Variants in ADAMTSL1 observed in about 807,000 individuals in gnomAD.
ADAMTSL1 encodes ADAMTS like 1.
Under a neutral mutation model 201.8 loss-of-function variants are expected in ADAMTSL1, and 126 were observed. The ratio of observed to expected loss-of-function variants is 0.62; its 90% CI spans 0.54 to 0.72. The LOEUF is 0.72. Among genes scored for constraint, ADAMTSL1 ranks in the 30% least tolerant of loss-of-function variants. The pLI, the probability that ADAMTSL1 is intolerant of heterozygous loss-of-function variation, is 0.00. For missense variants in ADAMTSL1, 2,679 were observed against 2,277.8 expected (o/e 1.18, Z -3.59); for synonymous variants, 1,121 against 903.4 (o/e 1.24, Z -4.32).
At chr9:18,304,295 C>T (rs1833821517) in intron 2 of ADAMTSL1, among the ~76,000 whole-genome samples, 1 of 151,922 alleles carries the variant, frequency 6.6e-6, no homozygotes, top group Non-Finnish European at 1.5e-5. Flanking sequence ...TCACTCCTGC[C>T]CCTACCCTCA....
chr9:17,985,282 T>C (rs180793669), intron 1 of ADAMTSL1, among the ~76,000 whole-genome samples: 6 of 152,280 alleles, frequency 3.9e-5, no homozygotes, highest in Admixed American at 1.3e-4. Context: ...TCTTTCCTCT[T>C]TTTCATGATT....
In ADAMTSL1 at chr9:17,970,781, A is replaced by G. The variant is rs899927583; in HGVS notation, c.87+63859A>G. Among the ~76,000 whole-genome samples the G allele has an allele frequency of 1.3e-4, 20 of 152,016 alleles. 1 individual carries two copies. Among genetic ancestry groups the G allele is most frequent in the Admixed American group, 1.2e-3 (18 of 15,222 alleles). ...ACTGTGTGCTTACTCCTATCTTCACACTTACTTGGTCTCTTCCTCTGGCAC... is the reference window on the plus strand; with the variant it reads ...ACTGTGTGCTTACTCCTATCTTCACGCTTACTTGGTCTCTTCCTCTGGCAC... On this transcript the variant is annotated intron_variant, in intron 1 of 29. Coordinates refer to the ADAMTSL1 transcript ENST00000680146.
chr9:18,654,830 G>A (rs1034139957), intron 7 of ADAMTSL1, among the ~76,000 whole-genome samples: 6 of 152,216 alleles, frequency 3.9e-5, no homozygotes, highest in African/African-American at 1.4e-4. Flanking sequence ...ACTGATGTAT[G>A]TTCACTGTTT....
intron 9 of ADAMTSL1, among the ~76,000 whole-genome samples, chr9:18,672,703 C>T (rs1296351295): frequency 6.6e-6 from 1 of 152,098 alleles, no homozygotes; most frequent in Non-Finnish European, 1.5e-5. Flanking sequence ...TTAAAAATGA[C>T]TCAAAAACCA....
intron 3 of ADAMTSL1, among the ~76,000 whole-genome samples, chr9:18,535,591 T>G (rs1445680704): frequency 6.6e-6 from 1 of 152,218 alleles, no homozygotes; most frequent in Non-Finnish European, 1.5e-5. Flanking sequence ...CATTTTACTG[T>G]ATTAGTCCAT....
chr9:18,513,193 T>G (rs1265113486), intron 2 of ADAMTSL1, among the ~76,000 whole-genome samples: 6 of 152,198 alleles, frequency 3.9e-5, no homozygotes, highest in African/African-American at 1.4e-4. Flanking sequence ...CAACCAAATT[T>G]GAAGTGTTCT....
rs1489987370 is a variant in ADAMTSL1, at chr9:17,911,954, C to T, written c.87+5032C>T. Among the ~76,000 whole-genome samples, 177 of 51,912 alleles carry T rather than the reference C, an allele frequency of 3.4e-3. 27 individuals carry two copies. Among genetic ancestry groups the T allele is most frequent in the African/African-American group, 5.7e-3 (165 of 28,996 alleles). The allele number at this position is 51,912 out of a possible 152,430, so 34.1% of individuals were successfully genotyped here. On this transcript the variant is annotated intron_variant, in intron 1 of 29. Coordinates refer to the ADAMTSL1 transcript ENST00000680146. ...TGCGGTGTTTGGTTTTTTGTTCTTG[C>T]AATAGTTTACTGAGAATGATGATTT... is the stretch of plus-strand genomic sequence containing the variant.
chr9:18,466,886 C>T (rs1419150643), intron 2 of ADAMTSL1, among the ~76,000 whole-genome samples: 2 of 152,058 alleles, frequency 1.3e-5, no homozygotes, highest in Non-Finnish European at 2.9e-5. Flanking sequence ...TCTGATTTTC[C>T]GTGGTTTAAT....
intron 15 of ADAMTSL1, among the ~76,000 whole-genome samples, chr9:18,746,197 C>G (rs1296609519): frequency 1.3e-5 from 2 of 152,060 alleles, no homozygotes; most frequent in Non-Finnish European, 2.9e-5. Flanking sequence ...TGGCTGTGGC[C>G]TTAGGGAGAA....
At chr9:18,252,128 G>A (rs892937507) in intron 2 of ADAMTSL1, among the ~76,000 whole-genome samples, 4 of 151,946 alleles carry the variant, frequency 2.6e-5, no homozygotes, top group Non-Finnish European at 4.4e-5. Flanking sequence ...AAAAATGAGC[G>A]GTTAGGAGAA....
At chr9:18,260,580 A>T (rs1393466577) in intron 2 of ADAMTSL1, among the ~76,000 whole-genome samples, 1 of 152,202 alleles carries the variant, frequency 6.6e-6, no homozygotes, top group African/African-American at 2.4e-5. Flanking sequence ...GAGGAGAAAG[A>T]AAATCCAGCT....
chr9:17,927,779 A>C (rs975673351), intron 1 of ADAMTSL1, among the ~76,000 whole-genome samples: 2 of 151,930 alleles, frequency 1.3e-5, no homozygotes, highest in African/African-American at 4.8e-5. Context: ...AAGGGACTTG[A>C]GCATCTGTGG....
intron 1 of ADAMTSL1, among the ~76,000 whole-genome samples, chr9:17,967,462 C>T (rs1265865447): frequency 1.3e-5 from 2 of 152,128 alleles, no homozygotes; most frequent in African/African-American, 4.8e-5. Context: ...TACCAGCTAA[C>T]ATTCATTGAG....
At chr9:18,015,720 C>A (rs562661441) in intron 1 of ADAMTSL1, among the ~76,000 whole-genome samples, 2 of 151,954 alleles carry the variant, frequency 1.3e-5, no homozygotes, top group African/African-American at 4.8e-5. Context: ...TAAGCTTCTT[C>A]CCACAAGACC....
At chr9:18,375,701 T>C (rs11790709) in intron 2 of ADAMTSL1, among the ~76,000 whole-genome samples, 12,370 of 152,260 alleles carry the variant, frequency 0.081, 677 homozygotes, top group Middle Eastern at 0.14. Flanking sequence ...GCAAGGTTTA[T>C]TGTGGAGAGT....
intron 3 of ADAMTSL1, among the ~76,000 whole-genome samples, chr9:18,533,915 G>A (rs1215914698): frequency 2.0e-5 from 3 of 152,180 alleles, no homozygotes; most frequent in African/African-American, 7.2e-5. Context: ...GATACAGCTT[G>A]GAGGACTGTG....
chr9:18,236,442 C>G (rs1471375904), intron 2 of ADAMTSL1, among the ~76,000 whole-genome samples: 1 of 152,194 alleles, frequency 6.6e-6, no homozygotes, highest in African/African-American at 2.4e-5. Flanking sequence ...ATTTCAGATT[C>G]CGGGACCCAG....
intron 2 of ADAMTSL1, among the ~76,000 whole-genome samples, chr9:18,314,285 C>G (rs952625472): frequency 6.6e-6 from 1 of 152,134 alleles, no homozygotes; most frequent in Non-Finnish European, 1.5e-5. Flanking sequence ...GAAGATTCTT[C>G]TCAAAATTAA....
At chr9:18,119,010 C>G (rs1291360401) in intron 1 of ADAMTSL1, among the ~76,000 whole-genome samples, 1 of 152,160 alleles carries the variant, frequency 6.6e-6, no homozygotes, top group African/African-American at 2.4e-5. Context: ...CCAGAGCCAG[C>G]TTGGCCCCTT....
Sources: allele counts gnomAD v4.1 joint callset (sites outside exome capture counted in the v4.1 genomes callset), GRCh38; gene constraint gnomAD v4.1.1; transcripts MANE v1.5; gene names NCBI Gene and HGNC (gene_info 2026-07-23, HGNC 2026-07-21).